Variants in TIAM2 observed in about 807,000 individuals in gnomAD.
TIAM2 encodes the protein rho guanine nucleotide exchange factor TIAM2.
Under a neutral mutation model 152.9 loss-of-function variants are expected in TIAM2, and 80 were observed. That is an observed-to-expected ratio of 0.52 (90% CI 0.44 to 0.63). TIAM2 has a LOEUF of 0.63. Ranked by LOEUF, TIAM2 falls within the 30% of genes least tolerant of loss-of-function variation. TIAM2 has a pLI of 0.00. For missense variants in TIAM2, 1,965 were observed against 2,120.1 expected (o/e 0.93, Z 1.44); for synonymous variants, 804 against 838.0 (o/e 0.96, Z 0.70).
chr6:154,995,661 G>C lies in TIAM2; in HGVS notation c.-209+169G>C, dbSNP rs1223113359. On this transcript the variant is annotated intron_variant, in intron 1 of 26. Coordinates refer to ENST00000682666, the MANE Select transcript of TIAM2 (RefSeq NM_012454.4). This position sits in a 1 kb window ranked among gnomAD's most constrained non-coding sequence, Gnocchi z 5.2. ...TCCTGGGAGTCCCGCGGAAGGTCGCGGCTGCGGGGCGCGGCCTGGCACCCT... is the reference window on the plus strand; with the variant it reads ...TCCTGGGAGTCCCGCGGAAGGTCGCCGCTGCGGGGCGCGGCCTGGCACCCT... Among the ~76,000 whole-genome samples, 1 of 151,934 alleles carries C rather than the reference G, an allele frequency of 6.6e-6. No individual in the cohort carries two copies. Among genetic ancestry groups the C allele is most frequent in the Non-Finnish European group, 1.5e-5 (1 of 67,934 alleles).
chr6:155,057,541 C>CTTTTTTT lies in TIAM2; in HGVS notation c.-208-32731_-208-32725dup, dbSNP rs71023613. On this transcript the variant is annotated intron_variant, in intron 1 of 26. Transcript: ENST00000682666. ...TTACTCTTTTTCTTTCCATAATGTA[C>CTTTTTTT]TTTTTTTTTTTTTTTTTTTTTTTGA... Among the ~76,000 whole-genome samples, 43 of 80,042 alleles carry CTTTTTTT rather than the reference C, an allele frequency of 5.4e-4. 7 individuals are homozygous for CTTTTTTT. Among genetic ancestry groups the CTTTTTTT allele is most frequent in the African/African-American group, 2.0e-3 (36 of 18,092 alleles). The allele number at this position is 80,042 out of a possible 152,430, so 52.5% of individuals were successfully genotyped here.
intron 13 of TIAM2, 67 bp downstream of exon 13, chr6:155,182,385 G>T (rs1780924419): frequency 7.6e-7 from 1 of 1,311,280 alleles, no homozygotes; most frequent in South Asian, 1.2e-5. Context: ...TCTGGCTAGT[G>T]AATGTTTCTT....
At chr6:155,176,056 G>T (rs1269707624) in intron 9 of TIAM2, among the ~76,000 whole-genome samples, 1 of 152,206 alleles carries the variant, frequency 6.6e-6, no homozygotes, top group Non-Finnish European at 1.5e-5. Flanking sequence ...TGGATTAAGT[G>T]CAGTTCAGAG....
chr6:155,157,570 G>C (rs959601267), intron 7 of TIAM2, among the ~76,000 whole-genome samples: 18 of 151,840 alleles, frequency 1.2e-4, no homozygotes, highest in African/African-American at 4.4e-4. Flanking sequence ...GCCTCTCAAA[G>C]TGCTGGGATT....
chr6:155,175,212 C>A (rs542409278), intron 9 of TIAM2, among the ~76,000 whole-genome samples: 1 of 152,108 alleles, frequency 6.6e-6, no homozygotes. Flanking sequence ...AGCGACAGAT[C>A]CAAGACAAAT....
chr6:155,005,067 A>G, intron 1 of TIAM2: 1 of 417,714 alleles, frequency 2.4e-6, no homozygotes, highest in Non-Finnish European at 4.1e-6. Flanking sequence ...CAGTTGCACC[A>G]GAGTAGAAGG....
chr6:155,062,832 C>A (rs1262999431), intron 1 of TIAM2, among the ~76,000 whole-genome samples: 3 of 152,120 alleles, frequency 2.0e-5, no homozygotes, highest in Non-Finnish European at 4.4e-5. Context: ...GCCTCAGCCT[C>A]CCAAAGTGCT....
chr6:155,078,041 C>T (rs1469626297), intron 1 of TIAM2, among the ~76,000 whole-genome samples: 1 of 152,106 alleles, frequency 6.6e-6, no homozygotes, highest in East Asian at 1.9e-4. Flanking sequence ...GATTGCTGAC[C>T]TCTGACTTCT....
In TIAM2 at chr6:155,182,297, G is replaced by A. The variant is rs944177816; in HGVS notation, c.2779G>A (p.Asp927Asn). The stretch of plus-strand genomic sequence containing the variant: ...GATATTTATAAGCGACGTTCTTCCC[G>A]ATGGCCTGGCGTATGGGGAAGGTCC... ...SRIFISDVLP[D>N]GLAYGEGLRK... is the part of the protein sequence containing the mutation. The change falls in exon 13 of 27, where the codon GAT (aspartate) becomes AAT (asparagine). Residue 927 changes from aspartate to asparagine, a missense_variant. Transcript: ENST00000682666. 25 of 1,614,142 alleles carry A rather than the reference G, an allele frequency of 1.5e-5. No homozygotes were observed. The highest frequency in any genetic ancestry group is 4.5e-5 in the East Asian group (2 of 44,890).
chr6:155,076,416 C>G (rs565070229), intron 1 of TIAM2, among the ~76,000 whole-genome samples: 2 of 152,244 alleles, frequency 1.3e-5, no homozygotes, highest in Non-Finnish European at 2.9e-5. Context: ...AAATATGTTG[C>G]TAATTCCATG....
intron 14 of TIAM2, among the ~76,000 whole-genome samples, chr6:155,204,411 A>C (rs1175112072): frequency 6.6e-6 from 1 of 152,118 alleles, no homozygotes; most frequent in Non-Finnish European, 1.5e-5. Context: ...CAGCTTCCTC[A>C]CGGCTTCTGG....
At chr6:154,997,393 C>G (rs1016054745) in intron 1 of TIAM2, among the ~76,000 whole-genome samples, 3 of 152,180 alleles carry the variant, frequency 2.0e-5, no homozygotes, top group African/African-American at 7.2e-5. Context: ...ACAAGGTCAT[C>G]TTGTCCAACA....
chr6:155,189,018 G>GT (rs1322002198), intron 14 of TIAM2, among the ~76,000 whole-genome samples: 1 of 152,106 alleles, frequency 6.6e-6, no homozygotes, highest in Non-Finnish European at 1.5e-5. Flanking sequence ...TTAAATCGCT[G>GT]TGAGTAGCGT....
chr6:155,043,004 T>C (rs934928724), intron 1 of TIAM2, among the ~76,000 whole-genome samples: 1 of 152,164 alleles, frequency 6.6e-6, no homozygotes, highest in Non-Finnish European at 1.5e-5. Context: ...ACCTGCTGAG[T>C]GCCAGTTACT....
At chr6:155,034,502 A>T (rs1776887106) in intron 1 of TIAM2, among the ~76,000 whole-genome samples, 1 of 152,124 alleles carries the variant, frequency 6.6e-6, no homozygotes, top group African/African-American at 2.4e-5. Context: ...TGATCTGCCC[A>T]CCTTGGCCTC....
intron 1 of TIAM2, among the ~76,000 whole-genome samples, chr6:155,038,336 G>T (rs539617086): frequency 6.6e-6 from 1 of 152,280 alleles, no homozygotes; most frequent in East Asian, 1.9e-4. Context: ...GATGCCTGGG[G>T]TTAGAGAGAC....
At chr6:155,206,402 A>AT (rs1781596036) in intron 14 of TIAM2, among the ~76,000 whole-genome samples, 1 of 151,990 alleles carries the variant, frequency 6.6e-6, no homozygotes, top group Admixed American at 6.6e-5. Flanking sequence ...GGCCCGGCTA[A>AT]TTTTTTGTAT....
intron 1 of TIAM2, among the ~76,000 whole-genome samples, chr6:155,005,880 C>T (rs1253187278): frequency 6.6e-6 from 1 of 152,180 alleles, no homozygotes; most frequent in Non-Finnish European, 1.5e-5. Flanking sequence ...GAACTCCCGA[C>T]CTCAGGTGAT....
In TIAM2 at chr6:155,254,586, C is replaced by G. The variant is rs1296896268; in HGVS notation, c.4468+13C>G. On this transcript the variant is annotated intron_variant, in intron 26 of 26. Transcript: ENST00000682666. Reference sequence around the variant, plus strand: ...TCGGCCAAATTAGGTGAGAATTTTGCTAGCCTTGTGTTTATTCAACAAAAT... The same window carrying G: ...TCGGCCAAATTAGGTGAGAATTTTGGTAGCCTTGTGTTTATTCAACAAAAT... 6.2e-7 allele frequency: 1 copy of G among 1,608,034 alleles called. No individual in the cohort carries two copies. Among genetic ancestry groups the G allele is most frequent in the South Asian group, 1.1e-5 (1 of 90,996 alleles).
Sources: allele counts gnomAD v4.1 joint callset (sites outside exome capture counted in the v4.1 genomes callset), GRCh38; gene constraint gnomAD v4.1.1; non-coding constraint Gnocchi (gnomAD v3.1); transcripts MANE v1.5; gene names NCBI Gene and HGNC (gene_info 2026-07-23, HGNC 2026-07-21).